Variants in DAB1 observed in about 807,000 individuals in gnomAD.
DAB1 encodes disabled homolog 1.
In DAB1, 15 loss-of-function variants were observed where a neutral mutation model predicts 64.6. The ratio of observed to expected loss-of-function variants is 0.23; its 90% CI spans 0.16 to 0.36. DAB1 has a LOEUF of 0.36. Among genes scored for constraint, DAB1 ranks in the 10% least tolerant of loss-of-function variants. The probability of loss-of-function intolerance (pLI) is 1.00; values close to 1 mark genes in which losing one functional copy is unlikely to be tolerated. For missense variants in DAB1, 596 were observed against 706.7 expected (o/e 0.84, Z 1.78); for synonymous variants, 235 against 251.9 (o/e 0.93, Z 0.64).
chr1:58,044,336 G>A (rs1419096535), intron 5 of DAB1, among the ~76,000 whole-genome samples: 1 of 151,974 alleles, frequency 6.6e-6, no homozygotes, highest in African/African-American at 2.4e-5. Context: ...GGGATTTGGT[G>A]GTACCACCTT....
At chr1:57,923,245 G>A (rs992441108) in intron 5 of DAB1, among the ~76,000 whole-genome samples, 1 of 152,100 alleles carries the variant, frequency 6.6e-6, no homozygotes, top group African/African-American at 2.4e-5. Flanking sequence ...GGTGGGAAAT[G>A]ATTTTGCTTG....
At chr1:57,990,093 G>A (rs1210898642) in intron 5 of DAB1, among the ~76,000 whole-genome samples, 1 of 152,124 alleles carries the variant, frequency 6.6e-6, no homozygotes, top group Non-Finnish European at 1.5e-5. Flanking sequence ...GCAGAGGGAG[G>A]AAGGCAAGGG....
chr1:57,336,188 C>A (rs1677064662), intron 1 of DAB1, among the ~76,000 whole-genome samples: 2 of 152,168 alleles, frequency 1.3e-5, no homozygotes. Flanking sequence ...TCAAGTAAGA[C>A]AAGTTTACAC....
intron 9 of DAB1, among the ~76,000 whole-genome samples, chr1:57,054,732 C>T (rs1349656915): frequency 6.6e-6 from 1 of 152,120 alleles, no homozygotes; most frequent in Admixed American, 6.5e-5. Flanking sequence ...CCTACCTTGG[C>T]CTCCCAAAGG....
chr1:57,098,156 A>G (rs1013768543), intron 4 of DAB1, among the ~76,000 whole-genome samples: 1 of 152,150 alleles, frequency 6.6e-6, no homozygotes, highest in Non-Finnish European at 1.5e-5. Flanking sequence ...GTGGGAAAAA[A>G]TTTCCCATTT....
chr1:57,377,948 G>A (rs538862219), intron 1 of DAB1, among the ~76,000 whole-genome samples: 1 of 152,300 alleles, frequency 6.6e-6, no homozygotes, highest in South Asian at 2.1e-4. Context: ...ACGTCTGGTG[G>A]AGGAAGATGG....
At chr1:58,161,141 T>C (rs58162803) in intron 4 of DAB1, among the ~76,000 whole-genome samples, 3,804 of 152,262 alleles carry the variant, frequency 0.025, 145 homozygotes, top group African/African-American at 0.086. Context: ...ACAAGGAGTC[T>C]CAAAGAATGG....
intron 5 of DAB1, among the ~76,000 whole-genome samples, chr1:57,946,048 T>C (rs568569966): frequency 8.5e-5 from 13 of 152,264 alleles, no homozygotes; most frequent in African/African-American, 2.9e-4. Flanking sequence ...GTGAAGAAAC[T>C]GAGTCCCAGA....
intron 5 of DAB1, among the ~76,000 whole-genome samples, chr1:58,103,858 A>G (rs1297083322): frequency 6.6e-6 from 1 of 152,040 alleles, no homozygotes; most frequent in East Asian, 1.9e-4. Context: ...TTCCTTGTCA[A>G]ATTGAGTCCT....
At position 58,287,780 on chromosome 1, in the gene DAB1, G is replaced by A. The variant is rs1023046383; in HGVS notation, n.309+55572C>T. ...CTCATGCCTGTAATCCCAACACTTC[G>A]GGAGGCTGAGGCAGGCAGATCATTT... On this transcript the variant is annotated intron_variant and non_coding_transcript_variant, in intron 4 of 20. Transcript: ENST00000485760. 5.3e-5 allele frequency among the ~76,000 whole-genome samples: 8 copies of A among 152,140 alleles called. No homozygotes were observed. In the South Asian group the frequency reaches 1.0e-3, roughly 20 times the overall value.
chr1:57,013,342 C>T (rs1229020640), intron 12 of DAB1, among the ~76,000 whole-genome samples: 1 of 152,212 alleles, frequency 6.6e-6, no homozygotes, highest in Non-Finnish European at 1.5e-5. Flanking sequence ...TCTCCTCTTT[C>T]ATTTGTAGCT....
intron 9 of DAB1, among the ~76,000 whole-genome samples, chr1:57,026,922 C>A (rs886420037): frequency 6.6e-6 from 1 of 152,168 alleles, no homozygotes; most frequent in African/African-American, 2.4e-5. Flanking sequence ...TTAATTATGA[C>A]AAGTATGTAA....
intron 7 of DAB1, among the ~76,000 whole-genome samples, chr1:57,613,478 G>T (rs1418781843): frequency 1.3e-5 from 2 of 151,774 alleles, no homozygotes; most frequent in Non-Finnish European, 2.9e-5. Context: ...AGTGTAGTTC[G>T]GTTTCTTCAC....
chr1:57,752,080 G>T (rs1648581420), intron 6 of DAB1, among the ~76,000 whole-genome samples: 2 of 152,184 alleles, frequency 1.3e-5, no homozygotes, highest in African/African-American at 4.8e-5. Flanking sequence ...AGTAGCAATT[G>T]CTCACAAAGA....
chr1:57,189,818 G>A (rs966925777), intron 2 of DAB1, among the ~76,000 whole-genome samples: 1 of 148,314 alleles, frequency 6.7e-6, no homozygotes, highest in African/African-American at 2.5e-5. Flanking sequence ...GCCAACATTT[G>A]TTGGCAGACA....
intron 7 of DAB1, among the ~76,000 whole-genome samples, chr1:57,599,933 G>A (rs1343947516): frequency 6.6e-6 from 1 of 152,156 alleles, no homozygotes; most frequent in Non-Finnish European, 1.5e-5. Flanking sequence ...ACTTTGGACT[G>A]GTGCTTTGCC....
At chr1:58,077,133 T>TA (rs200876056) in intron 5 of DAB1, among the ~76,000 whole-genome samples, 46 of 150,906 alleles carry the variant, frequency 3.0e-4, no homozygotes, top group South Asian at 1.3e-3. Flanking sequence ...ATAATTATAA[T>TA]AAAAAAAAAC....
chr1:57,076,324 C>G (rs970757321), intron 4 of DAB1, among the ~76,000 whole-genome samples: 1 of 152,084 alleles, frequency 6.6e-6, no homozygotes, highest in Non-Finnish European at 1.5e-5. Context: ...TTTTGAAAAC[C>G]GTTATTGTCT....
At chr1:57,835,813 G>A (rs1652784395) in intron 1 of DAB1, among the ~76,000 whole-genome samples, 1 of 152,182 alleles carries the variant, frequency 6.6e-6, no homozygotes, top group Non-Finnish European at 1.5e-5. Context: ...AGATGCTGCT[G>A]TTTCCGAAAG....
Sources: gnomAD v4.1 joint callset for allele counts (sites outside exome capture counted in the v4.1 genomes callset) on GRCh38, gnomAD v4.1.1 for gene constraint, MANE v1.5 for transcripts, NCBI Gene and HGNC (gene_info 2026-07-23, HGNC 2026-07-21) for gene names.